ZNF469: variants seen among roughly 807,000 people sequenced by gnomAD.
ZNF469 encodes the protein zinc finger protein 469.
In ZNF469, 1 loss-of-function variant was observed where a neutral mutation model predicts 1.0. The ratio of observed to expected loss-of-function variants is 1.00; its 90% confidence interval spans 0.35 to 4.73. ZNF469 has a LOEUF of 4.73. Ranked by LOEUF, ZNF469 falls within the 30% of genes most tolerant of loss-of-function variation. The pLI is 0.16. For missense variants in ZNF469, 6,100 were observed against 5,356.3 expected, an observed-to-expected ratio of 1.14 and a Z score of -4.33; for synonymous variants, 2,703 against 2,363.4, an observed-to-expected ratio of 1.14 and a Z score of -4.17.
the ZNF469 span, among the ~76,000 whole-genome samples, chr16:88,334,837 G>A: frequency 2.6e-5 from 4 of 151,848 alleles, no homozygotes; most frequent in South Asian, 2.1e-4. Context: ...ATGCCGACGG[G>A]AGGACACATG....
At chr16:88,377,326 C>G in the ZNF469 span, among the ~76,000 whole-genome samples, 1 of 152,212 alleles carries the variant, frequency 6.6e-6, no homozygotes, top group Non-Finnish European at 1.5e-5. Context: ...GACCCTCTGC[C>G]GACCCATGGG....
At chr16:88,117,305 A>G in the ZNF469 span, among the ~76,000 whole-genome samples, 2 of 152,164 alleles carry the variant, frequency 1.3e-5, no homozygotes, top group Non-Finnish European at 2.9e-5. Context: ...CGTGAGAGCC[A>G]GGACAGATGC....
the ZNF469 span, among the ~76,000 whole-genome samples, chr16:88,113,400 G>C: frequency 6.6e-6 from 1 of 152,174 alleles, no homozygotes; most frequent in Non-Finnish European, 1.5e-5. Flanking sequence ...TTGAAATTGA[G>C]TTCACTGTAG....
chr16:88,284,305 G>A, the ZNF469 span, among the ~76,000 whole-genome samples: 281 of 152,324 alleles, frequency 1.8e-3, 1 homozygote, highest in African/African-American at 6.5e-3. Context: ...TGGACGCCAG[G>A]CTGGGCACAA....
chr16:88,172,854 A>G, the ZNF469 span, among the ~76,000 whole-genome samples: 1 of 152,386 alleles, frequency 6.6e-6, no homozygotes, highest in South Asian at 2.1e-4. Flanking sequence ...AGAATAGAAG[A>G]AAAGATCATT....
rs113980094 is a variant in ZNF469, at chr16:88,396,540, G to A, written c.-192+13286G>A. Among the ~76,000 whole-genome samples the A allele has an allele frequency of 2.0e-3, 224 of 113,550 alleles. 1 individual carries two copies. The highest frequency in any genetic ancestry group is 7.4e-3 in the African/African-American group (197 of 26,642). 74.5% of individuals were successfully genotyped at this position (113,550 alleles called of 152,430 possible). On this transcript the variant is annotated intron_variant, in intron 1 of 2. Coordinates refer to ENST00000565624, the MANE Select transcript of ZNF469 (RefSeq NM_001367624.2). ...GCGGAGACCCGTCTGAAGGGAGGCCGGGAGGAGACCCTCCTGAAGGGAGGC... is the reference window on the plus strand; with the variant it reads ...GCGGAGACCCGTCTGAAGGGAGGCCAGGAGGAGACCCTCCTGAAGGGAGGC...
At chr16:88,360,613 T>A in the ZNF469 span, among the ~76,000 whole-genome samples, 1 of 100,830 alleles carries the variant, frequency 9.9e-6, no homozygotes, top group African/African-American at 4.6e-5. Context: ...AGCGCCCGCA[T>A]GCTCCCTCGA....
At chr16:88,160,138 C>A in the ZNF469 span, among the ~76,000 whole-genome samples, 50 of 152,298 alleles carry the variant, frequency 3.3e-4, no homozygotes, top group African/African-American at 1.2e-3. Flanking sequence ...GGGTGCTGAC[C>A]CCTGTGCCTT....
chr16:88,183,237 C>T, the ZNF469 span, among the ~76,000 whole-genome samples: 1 of 152,222 alleles, frequency 6.6e-6, no homozygotes, highest in African/African-American at 2.4e-5. Context: ...GAAAACGGGG[C>T]TGCCATTTGG....
rs903153275 is a variant in ZNF469 at position 88,433,902 on chromosome 16, T to TGGGCTG, written c.6436_6441dup (p.Leu2146_Gly2147dup). The TGGGCTG allele has an allele frequency of 6.6e-5, 103 of 1,548,970 alleles. No homozygotes were observed. The highest frequency in any genetic ancestry group is 8.7e-5 in the Non-Finnish European group (100 of 1,146,142). On this transcript the variant is annotated inframe_insertion, in exon 3 of 3. Coordinates refer to ENST00000565624, the MANE Select transcript of ZNF469 (RefSeq NM_001367624.2). The stretch of plus-strand genomic sequence containing the variant: ...TTACCTCGCCTTCCAGGGCCCAAGG[T>TGGGCTG]GGGCTGGGGGGGCAGCTGCCAGCAT...
the ZNF469 span, among the ~76,000 whole-genome samples, chr16:88,217,491 G>A: frequency 2.0e-5 from 3 of 150,442 alleles, no homozygotes; most frequent in African/African-American, 7.3e-5. Flanking sequence ...TGCACATTGT[G>A]CAGGTTAGTT....
the ZNF469 span, among the ~76,000 whole-genome samples, chr16:88,260,256 T>C: frequency 6.6e-6 from 1 of 152,100 alleles, no homozygotes; most frequent in African/African-American, 2.4e-5. This position sits in a 1 kb window ranked among gnomAD's most constrained non-coding sequence, Gnocchi z 4.1. Context: ...CCCGAAGTGC[T>C]GGGTTGACAG....
At chr16:88,186,416 C>T in the ZNF469 span, among the ~76,000 whole-genome samples, 3 of 152,202 alleles carry the variant, frequency 2.0e-5, no homozygotes, top group South Asian at 4.1e-4. Context: ...CAGGCCAGGC[C>T]GACCGGGGAG....
intron 1 of ZNF469, among the ~76,000 whole-genome samples, chr16:88,422,829 T>TA (rs1905530224): frequency 7.8e-6 from 1 of 128,358 alleles, no homozygotes. Context: ...GGTGGGTGGG[T>TA]GATGGATGGG....
At chr16:88,296,886 A>G in the ZNF469 span, among the ~76,000 whole-genome samples, 1 of 152,356 alleles carries the variant, frequency 6.6e-6, no homozygotes, top group Non-Finnish European at 1.5e-5. Flanking sequence ...ACCAGGCAGA[A>G]GGACAGCCCT....
the ZNF469 span, among the ~76,000 whole-genome samples, chr16:88,283,923 CG>C: frequency 4.3e-5 from 5 of 116,560 alleles, no homozygotes; most frequent in African/African-American, 1.0e-4. Flanking sequence ...CCAGTGTGCC[CG>C]AGGTCTGCGG....
the ZNF469 span, among the ~76,000 whole-genome samples, chr16:88,323,881 T>G: frequency 6.6e-6 from 1 of 152,192 alleles, no homozygotes; most frequent in Non-Finnish European, 1.5e-5. Context: ...ACAGGGAGAC[T>G]CGGAGGAGGC....
the ZNF469 span, among the ~76,000 whole-genome samples, chr16:88,157,430 T>C: frequency 2.0e-5 from 3 of 152,164 alleles, no homozygotes; most frequent in South Asian, 6.2e-4. Context: ...CAAAATTGCA[T>C]GTGGACAGTT....
the ZNF469 span, among the ~76,000 whole-genome samples, chr16:88,195,688 G>C: frequency 6.6e-6 from 1 of 152,232 alleles, no homozygotes; most frequent in Non-Finnish European, 1.5e-5. Context: ...TTGAAGAAAA[G>C]GGGGAAGAGG....
Sources: gnomAD v4.1 joint callset for allele counts (sites outside exome capture counted in the v4.1 genomes callset) on GRCh38, gnomAD v4.1.1 for gene constraint, Gnocchi (gnomAD v3.1) non-coding constraint, MANE v1.5 for transcripts, NCBI Gene and HGNC (gene_info 2026-07-23, HGNC 2026-07-21) for gene names.